The following RTTN variants were observed in gnomAD, a reference collection of about 807,000 sequenced individuals.
RTTN encodes the protein rotatin.
RTTN carries 182 observed loss-of-function variants against 269.2 expected under a neutral mutation model. The ratio of observed to expected loss-of-function variants is 0.68; its 90% confidence interval spans 0.60 to 0.76. The LOEUF (loss-of-function observed/expected upper bound fraction) is 0.76, where lower values mean the gene tolerates loss of function less well. Ranked by LOEUF, RTTN falls within the 30% of genes least tolerant of loss-of-function variation. RTTN has a pLI of 0.00. For synonymous variants in RTTN, 1,006 were observed against 963.5 expected (o/e 1.04, Z -0.82); for missense variants, 2,545 against 2,608.6 (o/e 0.98, Z 0.53).
intron 28 of RTTN, among the ~76,000 whole-genome samples, chr18:70,093,607 T>A (rs987443481): frequency 1.3e-5 from 2 of 152,248 alleles, no homozygotes; most frequent in African/African-American, 4.8e-5. Context: ...ATTACATTTA[T>A]TGATTTGCAT....
intron 4 of RTTN, among the ~76,000 whole-genome samples, chr18:70,200,733 AG>A (rs982250437): frequency 2.0e-5 from 3 of 152,250 alleles, no homozygotes; most frequent in Non-Finnish European, 4.4e-5. Context: ...TTAACTGTGC[AG>A]GCAAGAAAAT....
intron 16 of RTTN, among the ~76,000 whole-genome samples, 176 bp from the exon 17 acceptor site, chr18:70,149,213 T>C (rs1013186005): frequency 6.6e-6 from 1 of 152,198 alleles, no homozygotes; most frequent in Non-Finnish European, 1.5e-5. Flanking sequence ...AATAAAACTG[T>C]ATTTAAAAGA....
At chr18:70,047,912 T>C in intron 40 of RTTN, 59 bp downstream of exon 40, 2 of 1,358,004 alleles carry the variant, frequency 1.5e-6, no homozygotes, top group Middle Eastern at 1.9e-4. Context: ...AGACCATGAC[T>C]GAAAGTCAAT....
intron 40 of RTTN, among the ~76,000 whole-genome samples, chr18:70,041,603 C>A (rs1358288790): frequency 6.6e-6 from 1 of 152,106 alleles, no homozygotes; most frequent in East Asian, 1.9e-4. Flanking sequence ...CAGTTACATG[C>A]CCAGATCCTG....
chr18:70,042,402 G>A (rs892330745), intron 40 of RTTN, among the ~76,000 whole-genome samples: 12 of 129,126 alleles, frequency 9.3e-5, no homozygotes, highest in African/African-American at 3.2e-4. Flanking sequence ...TTGAGACGGA[G>A]TCTCGCTCTG....
chr18:70,180,490 G>A lies in RTTN; in HGVS notation c.1306-3645C>T, dbSNP rs540985565. On this transcript the variant is annotated intron_variant, in intron 10 of 48. Coordinates refer to ENST00000640769, the MANE Select transcript of RTTN (RefSeq NM_173630.4). ...CCAGCTACTTGGGAGGCTGAGGCAC[G>A]AAAATTGCTTCAATCCAGGAGGCGG... Among the ~76,000 whole-genome samples the A allele has an allele frequency of 3.3e-5, 5 of 151,198 alleles. No homozygotes were observed. The East Asian group carries it at 7.9e-4, about 24-fold the overall frequency.
Position 70,100,622 on chromosome 18 carries a change from G to A in RTTN, c.3904-7818C>T, listed in dbSNP as rs2059134009. Among the ~76,000 whole-genome samples the A allele has an allele frequency of 2.6e-5, 4 of 152,284 alleles. No individual in the cohort carries two copies. In the South Asian group the frequency reaches 8.3e-4, roughly 32 times the overall value. The stretch of plus-strand genomic sequence containing the variant: ...CAGAACTTCCAACACTGTTGAATAG[G>A]AGTGGTGAGAGAGGGCATCCCTGTC... On this transcript the variant is annotated intron_variant, in intron 28 of 48. Coordinates refer to ENST00000640769, the MANE Select transcript of RTTN (RefSeq NM_173630.4).
intron 40 of RTTN, among the ~76,000 whole-genome samples, chr18:70,042,825 G>T (rs1176567198): frequency 6.6e-6 from 1 of 152,218 alleles, no homozygotes; most frequent in Non-Finnish European, 1.5e-5. Context: ...CAGTCATTTA[G>T]ATCTCAAAAG....
chr18:70,201,369 G>A (rs984200217), intron 4 of RTTN, among the ~76,000 whole-genome samples: 12 of 151,922 alleles, frequency 7.9e-5, no homozygotes, highest in African/African-American at 2.7e-4. Flanking sequence ...TTGGGAGGCC[G>A]AGGCGGGCGG....
chr18:70,079,332 TTTTA>T (rs1254096919), intron 32 of RTTN, among the ~76,000 whole-genome samples: 1 of 152,092 alleles, frequency 6.6e-6, no homozygotes, highest in African/African-American at 2.4e-5. Context: ...ATAAAAATTA[TTTTA>T]TTTTTTATTT....
intron 11 of RTTN, among the ~76,000 whole-genome samples, chr18:70,175,619 G>C (rs1372026604): frequency 9.6e-6 from 1 of 103,922 alleles, no homozygotes; most frequent in African/African-American, 3.8e-5. Context: ...ACCTTCAAGA[G>C]AAATGCATGG....
rs370374328 is a variant in RTTN at position 70,075,515 on chromosome 18, A to G, written c.4401T>C (p.Ser1467=). The change falls in exon 33 of 49, where the codon TCT becomes TCC. Residue 1467 remains serine, a synonymous_variant. Coordinates refer to ENST00000640769, the MANE Select transcript of RTTN (RefSeq NM_173630.4). Reference sequence around the variant, plus strand: ...CAGGTTTTCCAATGAGCGATAGGCCAGAGTCCTCATCATGAACACAGGGAC... The same window carrying G: ...CAGGTTTTCCAATGAGCGATAGGCCGGAGTCCTCATCATGAACACAGGGAC... The part of the protein sequence containing the change: ...WQGPCVHDED[S]GLSLIGKPAL... 3.8e-6 allele frequency: 6 copies of G among 1,590,348 alleles called. No individual in the cohort carries two copies. In the East Asian group the frequency reaches 9.2e-5, roughly 24 times the overall value.
chr18:70,151,995 T>C (rs1599792782), intron 14 of RTTN, among the ~76,000 whole-genome samples: 2 of 152,176 alleles, frequency 1.3e-5, no homozygotes, highest in African/African-American at 4.8e-5. Flanking sequence ...GTTCCTACCA[T>C]TCCACAGGAG....
chr18:70,132,310 T>G (rs573030489), intron 23 of RTTN, among the ~76,000 whole-genome samples: 1 of 152,184 alleles, frequency 6.6e-6, no homozygotes, highest in Admixed American at 6.6e-5. Flanking sequence ...TTTTGAGACT[T>G]ATAGAACAGT....
rs763083913 is a variant in RTTN, at chr18:70,205,615, A to T, written c.31+13T>A. On this transcript the variant is annotated intron_variant, in intron 1 of 48. Coordinates refer to ENST00000640769, the MANE Select transcript of RTTN (RefSeq NM_173630.4). ...CGGGGGGTGCCTTGGGCGAGGGGCAAGCTGACAGTTACCGAGTTTCCTGAT... is the reference window on the plus strand; with the variant it reads ...CGGGGGGTGCCTTGGGCGAGGGGCATGCTGACAGTTACCGAGTTTCCTGAT... 1 of 1,614,158 alleles carries T rather than the reference A, an allele frequency of 6.2e-7. No homozygotes were observed. Among genetic ancestry groups the T allele is most frequent in the Non-Finnish European group, 8.5e-7 (1 of 1,180,002 alleles).
chr18:70,127,387 T>C, intron 25 of RTTN, 115 bp downstream of exon 25: 1 of 1,234,512 alleles, frequency 8.1e-7, no homozygotes, highest in Non-Finnish European at 1.1e-6. Flanking sequence ...CTGGAGTTTT[T>C]CTTTCTATGA....
At chr18:70,151,170 T>C (rs949600208) in intron 14 of RTTN, among the ~76,000 whole-genome samples, 2 of 147,994 alleles carry the variant, frequency 1.4e-5, no homozygotes, top group African/African-American at 4.9e-5. Flanking sequence ...TCTATATATA[T>C]AGAATATAAA....
At chr18:70,144,430 C>T (rs117337612) in intron 18 of RTTN, among the ~76,000 whole-genome samples, 2,499 of 152,238 alleles carry the variant, frequency 0.016, 45 homozygotes, top group Non-Finnish European at 0.02. Flanking sequence ...CAAAGCTACC[C>T]CCCAGACAAG....
At chr18:70,014,785 A>C (rs977740286) in intron 46 of RTTN, among the ~76,000 whole-genome samples, 12 of 152,104 alleles carry the variant, frequency 7.9e-5, no homozygotes, top group Non-Finnish European at 1.5e-4. Context: ...TACAAGCAGG[A>C]TAGCCAGTAA....
Sources: gnomAD v4.1 joint callset for allele counts (sites outside exome capture counted in the v4.1 genomes callset) on GRCh38, gnomAD v4.1.1 for gene constraint, MANE v1.5 for transcripts, NCBI Gene and HGNC (gene_info 2026-07-23, HGNC 2026-07-21) for gene names.